RABGGTB: variants seen among roughly 807,000 people sequenced by gnomAD.
RABGGTB encodes the protein geranylgeranyl transferase type-2 subunit beta.
Under a neutral mutation model 44.5 loss-of-function variants are expected in RABGGTB, and 20 were observed. That is an observed-to-expected ratio of 0.45 (90% confidence interval 0.32 to 0.65). RABGGTB has a LOEUF of 0.65. Among genes scored for constraint, RABGGTB ranks in the 30% least tolerant of loss-of-function variants. RABGGTB has a pLI of 0.05. For synonymous variants in RABGGTB, 128 were observed against 136.7 expected (o/e 0.94, Z 0.44); for missense variants, 302 against 398.7 (o/e 0.76, Z 2.06).
intron 2 of RABGGTB, 165 bp downstream of exon 2, chr1:75,787,769 C>T: frequency 1.5e-6 from 1 of 670,922 alleles, no homozygotes; most frequent in Non-Finnish European, 2.7e-6. Context: ...ACGTCTGAGG[C>T]TGTGGGCTTA....
At chr1:75,788,944 C>G in intron 2 of RABGGTB, 1 of 563,820 alleles carries the variant, frequency 1.8e-6, no homozygotes. Context: ...TAATCCTGTG[C>G]TTCTCAGATA....
chr1:75,786,366 C>T, intron 1 of RABGGTB, 92 bp downstream of exon 1: 1 of 1,539,470 alleles, frequency 6.5e-7, no homozygotes, highest in South Asian at 1.1e-5. Flanking sequence ...GGATTGGTTT[C>T]CTGGTGCTGG....
intron 2 of RABGGTB, 163 bp downstream of exon 2, chr1:75,787,767 G>C (rs1425197109): frequency 4.5e-6 from 3 of 668,862 alleles, no homozygotes; most frequent in African/African-American, 3.6e-5. Flanking sequence ...GGACGTCTGA[G>C]GCTGTGGGCT....
At chr1:75,789,844 T>C in intron 3 of RABGGTB, 108 bp from the exon 4 acceptor site, 1 of 792,954 alleles carries the variant, frequency 1.3e-6, no homozygotes, top group Non-Finnish European at 2.1e-6. Context: ...GAAAAGGTTA[T>C]ATACACAGAG....
chr1:75,786,275 G>A lies in RABGGTB; in HGVS notation c.3+1G>A, dbSNP rs1254878632. ...CTCTCTCCTTTCCCTGTTAGACATG[G>A]TAAGTGTGAGTTTAGCGCTGCTGTC... On this transcript the variant is annotated splice_donor_variant, in intron 1 of 8. Transcript: ENST00000319942. LOFTEE classifies it high-confidence loss of function. 3 of 1,614,114 alleles carry A rather than the reference G, an allele frequency of 1.9e-6. No homozygotes were observed. Among genetic ancestry groups the A allele is most frequent in the East Asian group, 2.2e-5 (1 of 44,894 alleles).
chr1:75,790,225 TC>T, intron 4 of RABGGTB, 168 bp downstream of exon 4: 1 of 1,421,518 alleles, frequency 7.0e-7, no homozygotes, highest in Non-Finnish European at 9.1e-7. Flanking sequence ...GGTAGTTATA[TC>T]AGCATATACA....
upstream of RABGGTB, chr1:75,786,212 G>A: frequency 6.2e-7 from 1 of 1,609,624 alleles, no homozygotes; most frequent in Non-Finnish European, 8.5e-7. Context: ...CATCTGCGCA[G>A]GCGCCCGGCT....
At chr1:75,786,225 T>C (rs748936933), upstream of RABGGTB, 9 of 1,613,544 alleles carry the variant, frequency 5.6e-6, no homozygotes, top group Non-Finnish European at 5.9e-6. Flanking sequence ...GCCCGGCTCC[T>C]AAGTCTACCC....
At chr1:75,791,746 T>C (rs191896954) in intron 6 of RABGGTB, 175 bp downstream of exon 6, 1 of 585,584 alleles carries the variant, frequency 1.7e-6, no homozygotes, top group African/African-American at 1.9e-5. Flanking sequence ...ATATACTATA[T>C]ACCTTTCTCT....
intron 7 of RABGGTB, 111 bp from the exon 8 acceptor site, chr1:75,793,973 A>G: frequency 8.9e-7 from 1 of 1,121,598 alleles, no homozygotes; most frequent in Non-Finnish European, 1.2e-6. Flanking sequence ...ACATGGTTTG[A>G]CACTTTGAAC....
At position 75,794,686 on chromosome 1, in the gene RABGGTB, C is replaced by T. The variant is rs771204890; in HGVS notation, c.*36C>T. On this transcript the variant is annotated 3_prime_UTR_variant, in exon 9 of 9. Coordinates refer to ENST00000319942, the MANE Select transcript of RABGGTB (RefSeq NM_004582.4). ...TTGAAAGTTGCATAGTATAGTTTTG[C>T]CATTTTAACATTTCTGTATTTGAAG... 22 of 1,491,122 alleles carry T rather than the reference C, an allele frequency of 1.5e-5. No individual in the cohort carries two copies. In the African/African-American group the frequency reaches 3.1e-4, roughly 21 times the overall value. 92.4% of individuals were successfully genotyped at this position (1,491,122 alleles called of 1,614,324 possible).
chr1:75,788,824 G>A (rs1202545441), intron 2 of RABGGTB: 2 of 285,670 alleles, frequency 7.0e-6, no homozygotes, highest in Non-Finnish European at 1.3e-5. Flanking sequence ...ATAGGTACTC[G>A]GAAAGAAATA....
At chr1:75,790,184 A>G (rs983959080) in intron 4 of RABGGTB, 127 bp downstream of exon 4, 2 of 1,489,838 alleles carry the variant, frequency 1.3e-6, no homozygotes, top group Admixed American at 2.4e-5. Context: ...ACTGGAGTTA[A>G]TGGTCTGCTG....
intron 7 of RABGGTB, among the ~76,000 whole-genome samples, chr1:75,792,988 A>G (rs1174272312): frequency 1.3e-5 from 2 of 151,978 alleles, no homozygotes; most frequent in African/African-American, 2.4e-5. Context: ...TAATTTTTGT[A>G]TTTTTATTAG....
In RABGGTB at chr1:75,794,169, G is replaced by C; in HGVS notation, c.791G>C (p.Arg264Pro). The change falls in exon 8 of 9, where the codon CGT becomes CCT. Residue 264 changes from arginine (R) to proline (P), a missense_variant. By Grantham distance (103) the Arg-to-Pro change is moderately radical. Transcript: ENST00000319942. ...RLHWIDREKL[R>P]NFILACQDEE... Reference sequence around the variant, plus strand: ...CATTGGATTGATAGAGAGAAACTGCGTAATTTCATTTTAGCATGTCAAGAT... The same window carrying C: ...CATTGGATTGATAGAGAGAAACTGCCTAATTTCATTTTAGCATGTCAAGAT... The C allele has an allele frequency of 3.7e-6, 6 of 1,613,778 alleles. No individual in the cohort carries two copies. Among genetic ancestry groups the C allele is most frequent in the Non-Finnish European group, 5.1e-6 (6 of 1,179,748 alleles).
intron 2 of RABGGTB, chr1:75,788,279 AAGATGCACC>A (rs1649550130): frequency 5.8e-6 from 1 of 173,064 alleles, no homozygotes; most frequent in African/African-American, 2.4e-5. Context: ...GTAGCAAACT[AAGATGCACC>A]ACCTGTTAAA....
chr1:75,794,645 A>G lies in RABGGTB; in HGVS notation c.991A>G (p.Ser331Gly). ...AGTGAATGTTCAGCCTGAGCTAGTG[A>G]GCTAGATTCATTGAATTGAAAGTTG... ...QRVNVQPELV[S>G] Residue 331 changes from serine (S) to glycine (G), a missense_variant, in exon 9 of 9, where the codon AGC becomes GGC. By Grantham distance (56) the Ser-to-Gly change is moderately conservative. Coordinates refer to ENST00000319942, the MANE Select transcript of RABGGTB (RefSeq NM_004582.4). The G allele has an allele frequency of 6.3e-7, 1 of 1,592,772 alleles. No individual in the cohort carries two copies.
intron 2 of RABGGTB, chr1:75,788,921 G>T (rs940092457): frequency 2.3e-5 from 12 of 526,882 alleles, no homozygotes; most frequent in African/African-American, 1.9e-4. Context: ...TGTATTGTCA[G>T]CCATAGATTA....
At chr1:75,787,337 C>A in intron 1 of RABGGTB, 160 bp from the exon 2 acceptor site, 2 of 636,614 alleles carry the variant, frequency 3.1e-6, no homozygotes, top group South Asian at 3.9e-5. Context: ...AAGCGATCTT[C>A]TACCTCAGCC....
Sources: allele counts gnomAD v4.1 joint callset (sites outside exome capture counted in the v4.1 genomes callset), GRCh38; gene constraint gnomAD v4.1.1; transcripts MANE v1.5; gene names NCBI Gene and HGNC (gene_info 2026-07-23, HGNC 2026-07-21).